The following SGCD variants were observed in gnomAD, a reference collection of about 807,000 sequenced individuals.
SGCD encodes delta-sarcoglycan.
SGCD carries 18 observed loss-of-function variants against 36.6 expected under a neutral mutation model. The ratio of observed to expected loss-of-function variants is 0.49; its 90% CI spans 0.34 to 0.73. The LOEUF (loss-of-function observed/expected upper bound fraction) is 0.73. Ranked by LOEUF, SGCD falls within the 30% of genes least tolerant of loss-of-function variation. The pLI, the probability that SGCD is intolerant of heterozygous loss-of-function variation, is 0.01. For missense variants in SGCD, 387 were observed against 346.7 expected, an observed-to-expected ratio of 1.12 and a Z score of -0.92; for synonymous variants, 133 against 130.6, an observed-to-expected ratio of 1.02 and a Z score of -0.12.
At chr5:156,190,626 C>G (rs1763866703) in intron 3 of SGCD, among the ~76,000 whole-genome samples, 3 of 152,022 alleles carry the variant, frequency 2.0e-5, no homozygotes, top group South Asian at 2.1e-4. Context: ...AATATCTACT[C>G]TTGTGGAGAT....
At chr5:155,950,731 C>G (rs1757532443) in intron 1 of SGCD, among the ~76,000 whole-genome samples, 1 of 152,134 alleles carries the variant, frequency 6.6e-6, no homozygotes, top group African/African-American at 2.4e-5. Context: ...TTTGTACTCC[C>G]CCAGCCTTTC....
chr5:156,517,227 G>C (rs1757215138), intron 4 of SGCD, among the ~76,000 whole-genome samples: 1 of 152,130 alleles, frequency 6.6e-6, no homozygotes, highest in Non-Finnish European at 1.5e-5. Flanking sequence ...AGACTAAGTG[G>C]AGGAAAGAAT....
chr5:156,588,751 T>G (rs1346019208), intron 4 of SGCD, among the ~76,000 whole-genome samples: 1 of 152,188 alleles, frequency 6.6e-6, no homozygotes, highest in Non-Finnish European at 1.5e-5. Flanking sequence ...AAAGGATTCT[T>G]ATAGTTGGTG....
At chr5:156,696,412 A>G (rs1329871255) in intron 7 of SGCD, among the ~76,000 whole-genome samples, 2 of 152,170 alleles carry the variant, frequency 1.3e-5, no homozygotes, top group East Asian at 1.9e-4. Context: ...TTCTTACATA[A>G]ATATGTATGC....
intron 3 of SGCD, among the ~76,000 whole-genome samples, chr5:156,234,503 T>TA (rs1018806152): frequency 6.4e-4 from 98 of 152,024 alleles, no homozygotes; most frequent in Non-Finnish European, 1.1e-3. Context: ...CCACACAGTT[T>TA]AAAAAAAACA....
intron 6 of SGCD, among the ~76,000 whole-genome samples, chr5:156,598,626 C>A (rs1433023036): frequency 2.6e-5 from 4 of 152,162 alleles, no homozygotes; most frequent in African/African-American, 9.7e-5. Flanking sequence ...TTATCTCACA[C>A]CCAGATCATT....
At position 156,101,284 on chromosome 5, in the gene SGCD, C is replaced by G. The variant is rs576571094; in HGVS notation, c.-281-16594C>G. 2.6e-5 allele frequency among the ~76,000 whole-genome samples: 4 copies of G among 152,256 alleles called. No homozygotes were observed. In the South Asian group the frequency reaches 8.3e-4, roughly 32 times the overall value. On this transcript the variant is annotated intron_variant, in intron 1 of 9. Coordinates refer to the SGCD transcript ENST00000517913. ...ATAAAGTGCAAGAGCAGACAGTGGG[C>G]TGGCCTGGCGAAGCTTCATCTCCAG...
At chr5:155,903,719 T>G (rs1221520694) in intron 1 of SGCD, among the ~76,000 whole-genome samples, 5 of 152,176 alleles carry the variant, frequency 3.3e-5, no homozygotes, top group Non-Finnish European at 5.9e-5. Context: ...TAAATATTCT[T>G]AAAACACCTA....
chr5:156,703,370 TTTTA>T (rs1306816283), intron 7 of SGCD, among the ~76,000 whole-genome samples: 1 of 151,170 alleles, frequency 6.6e-6, no homozygotes, highest in South Asian at 2.1e-4. Flanking sequence ...CATACTTTTC[TTTTA>T]TTTATTTCTT....
chr5:156,180,338 G>A (rs1763573565), intron 3 of SGCD, among the ~76,000 whole-genome samples: 1 of 152,060 alleles, frequency 6.6e-6, no homozygotes, highest in Non-Finnish European at 1.5e-5. Flanking sequence ...TCATTTAAAC[G>A]TTGTGCTGTT....
At chr5:155,801,333 G>A in the SGCD span, among the ~76,000 whole-genome samples, 3 of 152,190 alleles carry the variant, frequency 2.0e-5, no homozygotes, top group Non-Finnish European at 4.4e-5. Flanking sequence ...CCTGAGAGTA[G>A]AGAAGACACA....
At chr5:155,844,486 G>A in the SGCD span, among the ~76,000 whole-genome samples, 7 of 150,242 alleles carry the variant, frequency 4.7e-5, no homozygotes, top group Non-Finnish European at 1.0e-4. Context: ...CACGTTACAA[G>A]AAAGTGGTGA....
At chr5:156,707,753 G>A (rs1005315834) in intron 7 of SGCD, among the ~76,000 whole-genome samples, 4 of 151,988 alleles carry the variant, frequency 2.6e-5, no homozygotes, top group East Asian at 3.9e-4. Flanking sequence ...ACTTTTAAAC[G>A]CCATTTTTCT....
chr5:156,053,920 C>T (rs1323229605), intron 1 of SGCD, among the ~76,000 whole-genome samples: 1 of 145,758 alleles, frequency 6.9e-6, no homozygotes, highest in African/African-American at 2.5e-5. Flanking sequence ...CAAGGGAGCT[C>T]ATCTGAGCTG....
In SGCD at chr5:156,484,993, TG is replaced by T. The variant is rs1343378475; in HGVS notation, c.193-23607del. ...GCCAGTAAAGTAAATGAGGAATATC[TG>T]CCATATAACCTTTGGAAACAAACTT... is the stretch of plus-strand genomic sequence containing the variant. On this transcript the variant is annotated intron_variant, in intron 3 of 8. Coordinates refer to ENST00000337851, the MANE Select transcript of SGCD (RefSeq NM_000337.6). Among the ~76,000 whole-genome samples the T allele has an allele frequency of 2.0e-5, 3 of 152,342 alleles. No homozygotes were observed. The East Asian group carries it at 5.8e-4, about 29-fold the overall frequency.
At chr5:155,898,521 G>A (rs1212287504) in intron 1 of SGCD, among the ~76,000 whole-genome samples, 2 of 152,316 alleles carry the variant, frequency 1.3e-5, no homozygotes, top group Middle Eastern at 3.4e-3. Context: ...TGCTTTGGGA[G>A]CCACAGCAGT....
At chr5:156,439,339 C>A (rs6556623) in intron 3 of SGCD, among the ~76,000 whole-genome samples, 108,768 of 152,014 alleles carry the variant, frequency 0.72, 40,087 homozygotes, top group African/African-American at 0.9. Flanking sequence ...TTCAGGACGT[C>A]CTTGAATTTA....
intron 1 of SGCD, among the ~76,000 whole-genome samples, chr5:155,963,314 A>G (rs1757828557): frequency 1.3e-5 from 2 of 152,148 alleles, no homozygotes; most frequent in Non-Finnish European, 2.9e-5. Flanking sequence ...TTTCATCAAC[A>G]TGTTCTGAAA....
chr5:156,256,663 T>G (rs1765724549), intron 3 of SGCD, among the ~76,000 whole-genome samples: 1 of 152,196 alleles, frequency 6.6e-6, no homozygotes, highest in Admixed American at 6.5e-5. Context: ...ACATTTTAAT[T>G]TATTTGTGTA....
Sources: allele counts gnomAD v4.1 joint callset (sites outside exome capture counted in the v4.1 genomes callset), GRCh38; gene constraint gnomAD v4.1.1; transcripts MANE v1.5; gene names NCBI Gene and HGNC (gene_info 2026-07-23, HGNC 2026-07-21).